Variants in UBR4 observed in about 807,000 individuals in gnomAD.
The protein encoded by UBR4 is E3 ubiquitin-protein ligase UBR4.
Under a neutral mutation model 575.6 loss-of-function variants are expected in UBR4, and 124 were observed. That is an observed-to-expected ratio of 0.22 (90% confidence interval 0.19 to 0.25). The LOEUF is 0.25. Ranked by LOEUF, UBR4 falls within the 10% of genes least tolerant of loss-of-function variation. UBR4 has a pLI of 1.00. For missense variants in UBR4, 4,818 were observed against 6,478.8 expected (o/e 0.74, Z 8.80); for synonymous variants, 2,455 against 2,473.7 (o/e 0.99, Z 0.22).
Position 19,097,195 on chromosome 1 carries a change from G to T in UBR4, c.13388C>A (p.Thr4463Lys). The change falls in exon 91 of 106, where the codon ACA becomes AAA. Residue 4463 changes from threonine to lysine, a missense_variant and splice_region_variant. Physicochemically the swap from Thr to Lys is moderately conservative, Grantham distance 78 (BLOSUM62 -1). Transcript: ENST00000375254. ...CAATGTGCAGTGCCATGATCTACCT[G>T]TAGTAGAGTCCAGGGACTCAATGAA... is the stretch of plus-strand genomic sequence containing the variant. ...EEFIESLDST[T>K]DEEEDEEEVY... 6.2e-7 allele frequency: 1 copy of T among 1,612,344 alleles called. No homozygotes were observed. The highest frequency in any genetic ancestry group is 8.5e-7 in the Non-Finnish European group (1 of 1,179,300).
rs2085981880 is a variant in UBR4 at position 19,153,249 on chromosome 1, T to G, written c.6832+52A>C. 1.9e-6 allele frequency: 3 copies of G among 1,581,796 alleles called. No individual in the cohort carries two copies. The highest frequency in any genetic ancestry group is 2.6e-6 in the Non-Finnish European group (3 of 1,151,464). On this transcript the variant is annotated intron_variant, in intron 46 of 105. Coordinates refer to ENST00000375254, the MANE Select transcript of UBR4 (RefSeq NM_020765.3). The surrounding 1 kb of genome is among the most constrained non-coding windows in gnomAD (Gnocchi z 4.1). ...CAACAGTCTATTCTGAGTCACTGTC[T>G]AGAAGACCACCATTCCTACTCCCCC...
chr1:19,190,312 A>AAAAAAAAAAAAAAAAATATAT, intron 11 of UBR4, among the ~76,000 whole-genome samples: 5 of 79,920 alleles, frequency 6.3e-5, no homozygotes, highest in African/African-American at 2.1e-4. Context: ...AAAAAAAAAA[A>AAAAAAAAAAAAAAAAATATAT]ATATATATAT....
intron 90 of UBR4, 27 bp downstream of exon 90, chr1:19,099,570 C>T: frequency 6.2e-7 from 1 of 1,605,050 alleles, no homozygotes; most frequent in Non-Finnish European, 8.5e-7. Context: ...TGAAACCACA[C>T]CTCCAAACGA....
At chr1:19,154,032 G>A (rs2086091408) in intron 44 of UBR4, 93 bp from the exon 45 acceptor site, 1 of 1,401,140 alleles carries the variant, frequency 7.1e-7, no homozygotes, top group African/African-American at 1.4e-5. Context: ...CTGGCTACGT[G>A]ACTCCAAAGC....
chr1:19,133,533 G>A (rs1570911629), intron 60 of UBR4, among the ~76,000 whole-genome samples: 1 of 152,256 alleles, frequency 6.6e-6, no homozygotes, highest in Non-Finnish European at 1.5e-5. Context: ...AGAGGTCTTA[G>A]CCAACGCAAT....
intron 55 of UBR4, among the ~76,000 whole-genome samples, chr1:19,143,263 A>AAGGAAGG (rs1557762781): frequency 1.7e-4 from 6 of 34,890 alleles, no homozygotes; most frequent in African/African-American, 5.4e-4. Context: ...AGGAAGGAAG[A>AAGGAAGG]AAGAAAGAAA....
intron 49 of UBR4, chr1:19,149,778 A>G: frequency 7.7e-7 from 1 of 1,301,366 alleles, no homozygotes; most frequent in Non-Finnish European, 1.0e-6. Context: ...CAGCTTGGTT[A>G]GGGACTCAGT....
chr1:19,180,646 G>T lies in UBR4; in HGVS notation c.2185-1426C>A, dbSNP rs116671501. Among the ~76,000 whole-genome samples the T allele has an allele frequency of 5.6e-3, 848 of 151,820 alleles. 4 individuals are homozygous for T. Among genetic ancestry groups the T allele is most frequent in the Non-Finnish European group, 8.9e-3 (608 of 67,968 alleles). ...AAAAATCTAAATGTTCAAATCAAGG[G>T]GCGTACCTAGCCATATATATGGATA... On this transcript the variant is annotated intron_variant, in intron 17 of 105. Transcript: ENST00000375254.
rs749773593 is a variant in UBR4 at position 19,173,527 on chromosome 1, T to A, written c.3077A>T (p.Asn1026Ile). The change falls in exon 23 of 106, where the codon AAC becomes ATC. Residue 1026 changes from asparagine to isoleucine, a missense_variant. Coordinates refer to ENST00000375254, the MANE Select transcript of UBR4 (RefSeq NM_020765.3). ...GTCACATTCGCTCATCTCAGGTGAG[T>A]TCATGGATAGCTGGTTAATGTAAGT... ...SKTYINQLSM[N>I]SPEMSECDIL... The A allele has an allele frequency of 6.8e-6, 11 of 1,614,002 alleles. No homozygotes were observed. The highest frequency in any genetic ancestry group is 9.3e-6 in the Non-Finnish European group (11 of 1,180,000).
intron 6 of UBR4, 53 bp from the exon 7 acceptor site, chr1:19,197,864 T>C: frequency 6.2e-7 from 1 of 1,612,698 alleles, no homozygotes; most frequent in South Asian, 1.1e-5. Flanking sequence ...TGATGCTTGA[T>C]TCTTATCCAT....
intron 65 of UBR4, among the ~76,000 whole-genome samples, chr1:19,124,161 G>C (rs1252060442): frequency 6.6e-6 from 1 of 152,188 alleles, no homozygotes. Flanking sequence ...TACTATCCCT[G>C]TGTTACCTCA....
intron 60 of UBR4, 34 bp from the exon 61 acceptor site, chr1:19,129,108 C>A: frequency 6.3e-7 from 1 of 1,585,236 alleles, no homozygotes; most frequent in Middle Eastern, 1.7e-4. Context: ...AAAATATGAG[C>A]TGTACTCCAA....
At chr1:19,202,040 A>C (rs1370558753) in intron 1 of UBR4, among the ~76,000 whole-genome samples, 1 of 152,066 alleles carries the variant, frequency 6.6e-6, no homozygotes, top group East Asian at 1.9e-4. Flanking sequence ...TAAAAATACA[A>C]AAATCAGCTG....
rs1475347970 is a variant in UBR4 at position 19,138,010 on chromosome 1, T to C, written c.8903A>G (p.Asn2968Ser). 6.5e-7 allele frequency: 1 copy of C among 1,540,850 alleles called. No individual in the cohort carries two copies. Residue 2968 changes from asparagine (N) to serine (S), a missense_variant, in exon 60 of 106, where the codon AAC becomes AGC. Physicochemically the swap from Asn to Ser is conservative, Grantham distance 46. Coordinates refer to ENST00000375254, the MANE Select transcript of UBR4 (RefSeq NM_020765.3). ...CTGTGAAGGACTAGGTCTTGACCTG[T>C]TGCTAGTGTGGACATCTCCTTCAGT... ...GETEGDVHTS[N>S]RLHMVRLMLL...
chr1:19,106,448 C>A lies in UBR4; in HGVS notation c.12393+121G>T. On this transcript the variant is annotated intron_variant, in intron 83 of 105. Coordinates refer to ENST00000375254, the MANE Select transcript of UBR4 (RefSeq NM_020765.3). ...TACTCACTCCCTATTTGAAAGGAAG[C>A]AAGAAGAGCAAAGAGAAAGAAGAGA... The A allele has an allele frequency of 4.6e-6, 6 of 1,305,832 alleles. No individual in the cohort carries two copies. The South Asian group carries it at 1.1e-4, about 24-fold the overall frequency. The allele number at this position is 1,305,832 out of a possible 1,614,324, so 80.9% of individuals were successfully genotyped here. A position where few individuals can be genotyped will look rare whatever the true frequency, so the allele number is the denominator to read the frequency against.
At chr1:19,118,735 G>A (rs2080860927) in intron 71 of UBR4, 137 bp downstream of exon 71, 3 of 784,886 alleles carry the variant, frequency 3.8e-6, no homozygotes, top group African/African-American at 1.7e-5. Flanking sequence ...ACATGGAGGG[G>A]ATTGGAATCT....
Position 19,150,672 on chromosome 1 carries a change from G to A in UBR4, c.7335C>T (p.Val2445=), listed in dbSNP as rs2085551434. The change falls in exon 49 of 106, where the codon GTC becomes GTT. Residue 2445 remains valine (V), a synonymous_variant. Transcript: ENST00000375254. ...EPPEEFPSAS[V]SNICPSNLNQ... ...TCAGATTTGAAGGGCAGATGTTGCT[G>A]ACAGAGGCAGAAGGGAATTCTTCTG... 1 of 1,614,154 alleles carries A rather than the reference G, an allele frequency of 6.2e-7. No individual in the cohort carries two copies. The highest frequency in any genetic ancestry group is 8.5e-7 in the Non-Finnish European group (1 of 1,180,022).
chr1:19,079,717 C>T lies in UBR4; in HGVS notation c.15233+1632G>A, dbSNP rs77513479. 4.4e-3 allele frequency: 671 copies of T among 152,468 alleles called. 2 individuals are homozygous for T. Among genetic ancestry groups the T allele is most frequent in the Admixed American group, 8.8e-3 (134 of 15,312 alleles). The allele number at this position is 152,468 out of a possible 1,614,324, so 9.4% of individuals were successfully genotyped here. ...GCCGCGGTCTCTCCCCCATGGGTCT[C>T]CTCCCAGTATCGGGCTAACCCACAG... On this transcript the variant is annotated intron_variant, in intron 103 of 105. Coordinates refer to ENST00000375254, the MANE Select transcript of UBR4 (RefSeq NM_020765.3).
chr1:19,177,737 C>A lies in UBR4; in HGVS notation c.2361G>T (p.Leu787Phe). ...GCAGGGCATTCTGCTTCATTGTAGA[C>A]AAAAACCTACCAGAGAGAAAAGATG... Reference protein sequence around the residue: ...PECLKVWDRFLSTMKQNALQG... With the variant: ...PECLKVWDRFFSTMKQNALQG... The change falls in exon 19 of 106, where the codon TTG becomes TTT. Residue 787 changes from leucine (L) to phenylalanine (F), a missense_variant. This residue lies in a region of UBR4 where 1,172 missense variants were observed against 1,259.7 expected (regional missense o/e 0.93). Coordinates refer to ENST00000375254, the MANE Select transcript of UBR4 (RefSeq NM_020765.3). The A allele has an allele frequency of 1.2e-6, 2 of 1,610,938 alleles. No homozygotes were observed. Among genetic ancestry groups the A allele is most frequent in the Non-Finnish European group, 1.7e-6 (2 of 1,178,742 alleles).
Sources: allele counts gnomAD v4.1 joint callset (sites outside exome capture counted in the v4.1 genomes callset), GRCh38; gene constraint gnomAD v4.1.1; regional missense constraint gnomAD v4.1.1; non-coding constraint Gnocchi (gnomAD v3.1); transcripts MANE v1.5; gene names NCBI Gene and HGNC (gene_info 2026-07-23, HGNC 2026-07-21).